Variants in ENTPD7 observed in about 807,000 individuals in gnomAD.
ENTPD7 encodes the protein NTPDase 7.
ENTPD7 carries 53 observed loss-of-function variants against 77.9 expected under a neutral mutation model. The observed-to-expected ratio is 0.68, with a 90% CI of 0.55 to 0.85. The LOEUF is 0.85. Among genes scored for constraint, ENTPD7 ranks in the 40% least tolerant of loss-of-function variants. The pLI, the probability that ENTPD7 is intolerant of heterozygous loss-of-function variation, is 0.00. For synonymous variants in ENTPD7, 248 were observed against 274.9 expected (o/e 0.90, Z 0.97); for missense variants, 636 against 743.7 (o/e 0.86, Z 1.68).
intron 10 of ENTPD7, chr10:99,700,718 G>T: frequency 2.1e-6 from 1 of 487,648 alleles, no homozygotes; most frequent in Non-Finnish European, 3.6e-6. Flanking sequence ...GTTGCTATTT[G>T]TTAGTCCTAA....
Position 99,710,879 on chromosome 10 carries a change from A to G in ENTPD7, c.*6196A>G, listed in dbSNP as rs576180531. 2.2e-5 allele frequency: 22 copies of G among 985,250 alleles called. No homozygotes were observed. In the African/African-American group the frequency reaches 3.7e-4, roughly 16 times the overall value. The allele number at this position is 985,250 out of a possible 1,614,324, so 61.0% of individuals were successfully genotyped here. On this transcript the variant is annotated 3_prime_UTR_variant, in exon 13 of 13. Transcript: ENST00000370489. The stretch of plus-strand genomic sequence containing the variant: ...TCTAGGTTGACTGATTAAGAAAGCC[A>G]TGTGTTTTAATTTCCTTCATGTTTT...
At chr10:99,687,614 G>A (rs937847948) in intron 6 of ENTPD7, among the ~76,000 whole-genome samples, 9 of 152,102 alleles carry the variant, frequency 5.9e-5, no homozygotes, top group Admixed American at 5.9e-4. Flanking sequence ...GATTTGTCCT[G>A]TGTATCAGCC....
rs1014921447 is a variant in ENTPD7, at chr10:99,679,748, C to A, written c.421C>A (p.Pro141Thr). The A allele has an allele frequency of 1.2e-6, 2 of 1,613,446 alleles. No homozygotes were observed. The highest frequency in any genetic ancestry group is 2.7e-5 in the African/African-American group (2 of 74,890). Residue 141 changes from proline to threonine, a missense_variant, in exon 5 of 13, where the codon CCA (proline) becomes ACA (threonine). This residue lies in a region of ENTPD7 where 486 missense variants were observed against 556.5 expected (regional missense o/e 0.87). Coordinates refer to ENST00000370489, the MANE Select transcript of ENTPD7 (RefSeq NM_020354.5). Reference protein sequence around the residue: ...KPGISAMADTPEHASDYLRPL... With the variant: ...KPGISAMADTTEHASDYLRPL... The stretch of plus-strand genomic sequence containing the variant: ...AGGAATCTCTGCAATGGCAGACACT[C>A]CAGAACATGCCAGTGATTACCTTCG...
In ENTPD7 at chr10:99,679,481, A is replaced by T; in HGVS notation, c.397+15A>T. 1 of 1,598,596 alleles carries T rather than the reference A, an allele frequency of 6.3e-7. No homozygotes were observed. The highest frequency in any genetic ancestry group is 1.4e-5 in the African/African-American group (1 of 74,070). On this transcript the variant is annotated intron_variant, in intron 4 of 12. Coordinates refer to ENST00000370489, the MANE Select transcript of ENTPD7 (RefSeq NM_020354.5). Reference sequence around the variant, plus strand: ...AATCAAGCCAGGTACTAATCAGAATATATTTTGTTGTCAGTCTCTTTTAAG... The same window carrying T: ...AATCAAGCCAGGTACTAATCAGAATTTATTTTGTTGTCAGTCTCTTTTAAG...
At chr10:99,698,335 C>T (rs1039956492) in intron 9 of ENTPD7, among the ~76,000 whole-genome samples, 199 bp from the exon 10 acceptor site, 14 of 152,144 alleles carry the variant, frequency 9.2e-5, no homozygotes, top group African/African-American at 3.4e-4. Context: ...GAATTGATCA[C>T]CATATTCCTC....
intron 4 of ENTPD7, 100 bp downstream of exon 4, chr10:99,679,566 G>A: frequency 6.9e-7 from 1 of 1,440,964 alleles, no homozygotes; most frequent in Non-Finnish European, 9.3e-7. Flanking sequence ...TTGAGAGTCT[G>A]GGTAATGGGA....
At chr10:99,672,301 C>T (rs938985562) in intron 3 of ENTPD7, among the ~76,000 whole-genome samples, 4 of 141,288 alleles carry the variant, frequency 2.8e-5, no homozygotes, top group Admixed American at 2.2e-4. Context: ...TATTCAGTTA[C>T]TTGATCTTTT....
Position 99,661,828 on chromosome 10 carries a change from A to T in ENTPD7, c.191+200A>T, listed in dbSNP as rs186958464. On this transcript the variant is annotated intron_variant, in intron 3 of 12. Transcript: ENST00000370489. ...GGAATACTGATACTGCATGAAAGGC[A>T]TCTTTGTGTTTTCTTGTTTTGGTGG... Among the ~76,000 whole-genome samples, 1,398 of 152,306 alleles carry T rather than the reference A, an allele frequency of 9.2e-3. 24 individuals are homozygous for T. The highest frequency in any genetic ancestry group is 0.031 in the African/African-American group (1,272 of 41,560).
chr10:99,683,134 A>G (rs2035773970), intron 5 of ENTPD7, among the ~76,000 whole-genome samples: 1 of 151,818 alleles, frequency 6.6e-6, no homozygotes, highest in African/African-American at 2.4e-5. Context: ...TTCTCTTTCA[A>G]CTTGTTTTCT....
rs535971023 is a variant in ENTPD7, at chr10:99,668,210, C to T, written c.191+6582C>T. Among the ~76,000 whole-genome samples the T allele has an allele frequency of 7.2e-5, 11 of 152,242 alleles. No individual in the cohort carries two copies. In the South Asian group the frequency reaches 2.1e-3, roughly 29 times the overall value. Reference sequence around the variant, plus strand: ...TCAGCCTCTCAAAGTGCTGGGATTACAGGCGTGAGCCACCATGCCTGGCCA... The same window carrying T: ...TCAGCCTCTCAAAGTGCTGGGATTATAGGCGTGAGCCACCATGCCTGGCCA... On this transcript the variant is annotated intron_variant, in intron 3 of 12. Coordinates refer to ENST00000370489, the MANE Select transcript of ENTPD7 (RefSeq NM_020354.5).
rs915526396 is a variant in ENTPD7, at chr10:99,710,384, C to G, written c.*5701C>G. The G allele has an allele frequency of 1.0e-6, 1 of 985,294 alleles. No individual in the cohort carries two copies. Among genetic ancestry groups the G allele is most frequent in the African/African-American group, 1.7e-5 (1 of 57,240 alleles). The allele number at this position is 985,294 out of a possible 1,614,324, so 61.0% of individuals were successfully genotyped here. On this transcript the variant is annotated 3_prime_UTR_variant, in exon 13 of 13. Coordinates refer to ENST00000370489, the MANE Select transcript of ENTPD7 (RefSeq NM_020354.5). ...CTGAAGTACATGCCATGTACTCCCCCTTTATTTCTACCTTGATCAATGGCC... is the reference window on the plus strand; with the variant it reads ...CTGAAGTACATGCCATGTACTCCCCGTTTATTTCTACCTTGATCAATGGCC...
At chr10:99,676,437 G>A (rs1018741484) in intron 3 of ENTPD7, among the ~76,000 whole-genome samples, 1 of 152,164 alleles carries the variant, frequency 6.6e-6, no homozygotes, top group Non-Finnish European at 1.5e-5. Context: ...TCATTATGCA[G>A]AAGGGGATGG....
At chr10:99,660,965 C>T (rs2035477575) in intron 2 of ENTPD7, among the ~76,000 whole-genome samples, 1 of 152,026 alleles carries the variant, frequency 6.6e-6, no homozygotes. Context: ...TAATGTTTGC[C>T]TCTGAGAGAT....
rs1329904442 is a variant in ENTPD7, at chr10:99,691,449, T to G, written c.774T>G (p.Asp258Glu). 5 of 1,614,102 alleles carry G rather than the reference T, an allele frequency of 3.1e-6. No individual in the cohort carries two copies. In the East Asian group the frequency reaches 8.9e-5, roughly 29 times the overall value. Residue 258 changes from aspartate to glutamate, a missense_variant, in exon 8 of 13, where the codon GAT becomes GAG. Physicochemically the swap from Asp to Glu is conservative, Grantham distance 45. This residue lies in a region of ENTPD7 where 486 missense variants were observed against 556.5 expected (regional missense o/e 0.87). Transcript: ENST00000370489. ...AGRRRTVGIL[D>E]MGGASLQIAY... ...GGAGAAGGACAGTAGGGATACTGGA[T>G]ATGGGAGGAGCCTCTCTCCAAATTG... is the stretch of plus-strand genomic sequence containing the variant.
chr10:99,710,462 A>C lies in ENTPD7; in HGVS notation c.*5779A>C. On this transcript the variant is annotated 3_prime_UTR_variant, in exon 13 of 13. Coordinates refer to ENST00000370489, the MANE Select transcript of ENTPD7 (RefSeq NM_020354.5). ...TTTATTATGATCTACACTTTAAAAA[A>C]CCAAAGGCTGCCTGTATTACATTGC... The C allele has an allele frequency of 1.4e-5, 14 of 985,354 alleles. No homozygotes were observed. Among genetic ancestry groups the C allele is most frequent in the Non-Finnish European group, 1.7e-5 (14 of 829,930 alleles). 61.0% of individuals were successfully genotyped at this position (985,354 alleles called of 1,614,324 possible).
In ENTPD7 at chr10:99,701,477, C is replaced by G. The variant is rs180790409; in HGVS notation, c.1421+419C>G. On this transcript the variant is annotated intron_variant, in intron 11 of 12. Coordinates refer to ENST00000370489, the MANE Select transcript of ENTPD7 (RefSeq NM_020354.5). Reference sequence around the variant, plus strand: ...CAATTTTTGTATTTTTTTGTAGAGACGGGGTTTCGCAATGTTGCCAGGCTG... The same window carrying G: ...CAATTTTTGTATTTTTTTGTAGAGAGGGGGTTTCGCAATGTTGCCAGGCTG... Among the ~76,000 whole-genome samples the G allele has an allele frequency of 1.1e-4, 16 of 151,514 alleles. No homozygotes were observed. In the East Asian group the frequency reaches 3.0e-3, roughly 28 times the overall value.
At position 99,709,607 on chromosome 10, in the gene ENTPD7, T is replaced by C; in HGVS notation, c.*4924T>C. ...CCTCAAATTGAAAACTTTTAGGTTG[T>C]GTTCTTGGCTCATTCTCTCATAACC... is the stretch of plus-strand genomic sequence containing the variant. On this transcript the variant is annotated 3_prime_UTR_variant, in exon 13 of 13. Transcript: ENST00000370489. 2.0e-6 allele frequency: 2 copies of C among 985,444 alleles called. No individual in the cohort carries two copies. The highest frequency in any genetic ancestry group is 2.4e-6 in the Non-Finnish European group (2 of 829,924). The allele number at this position is 985,444 out of a possible 1,614,324, so 61.0% of individuals were successfully genotyped here. A position where few individuals can be genotyped will look rare whatever the true frequency, so the allele number is the denominator to read the frequency against.
chr10:99,690,016 T>G (rs993008745), intron 7 of ENTPD7, among the ~76,000 whole-genome samples: 1 of 152,236 alleles, frequency 6.6e-6, no homozygotes, highest in African/African-American at 2.4e-5. Flanking sequence ...AAAAAAAGTT[T>G]TAATTATTAT....
At chr10:99,666,354 T>C (rs897183132) in intron 3 of ENTPD7, among the ~76,000 whole-genome samples, 25 of 152,078 alleles carry the variant, frequency 1.6e-4, no homozygotes, top group Admixed American at 1.6e-3. Context: ...ATTACAGGCA[T>C]GTGGCACCAT....
Sources: gnomAD v4.1 joint callset for allele counts (sites outside exome capture counted in the v4.1 genomes callset) on GRCh38, gnomAD v4.1.1 for gene constraint, gnomAD v4.1.1 regional missense constraint, MANE v1.5 for transcripts, NCBI Gene and HGNC (gene_info 2026-07-23, HGNC 2026-07-21) for gene names.